The following KHDRBS2 variants were observed in gnomAD, a reference collection of about 807,000 sequenced individuals.
KHDRBS2 encodes the protein KH domain-containing, RNA-binding, signal transduction-associated protein 2.
KHDRBS2 carries 26 observed loss-of-function variants against 44.3 expected under a neutral mutation model. That is an observed-to-expected ratio of 0.59 (90% CI 0.43 to 0.81). The LOEUF is 0.81. Among genes scored for constraint, KHDRBS2 ranks in the 40% least tolerant of loss-of-function variants. KHDRBS2 has a pLI of 0.00. For synonymous variants in KHDRBS2, 194 were observed against 151.1 expected, an observed-to-expected ratio of 1.28 and a Z score of -2.08; for missense variants, 476 against 433.1, an observed-to-expected ratio of 1.10 and a Z score of -0.88.
At chr6:62,203,848 T>A (rs1314123503) in intron 1 of KHDRBS2, among the ~76,000 whole-genome samples, 1 of 152,136 alleles carries the variant, frequency 6.6e-6, no homozygotes, top group East Asian at 1.9e-4. Context: ...TGAAATTCAG[T>A]GCCAAATTCT....
intron 8 of KHDRBS2, among the ~76,000 whole-genome samples, chr6:61,690,152 GA>G (rs1767234459): frequency 6.6e-6 from 1 of 151,540 alleles, no homozygotes; most frequent in Non-Finnish European, 1.5e-5. Context: ...CCAAATTCTG[GA>G]AATTCTGTAA....
chr6:61,721,112 G>A (rs1272462593), intron 7 of KHDRBS2, among the ~76,000 whole-genome samples: 1 of 151,746 alleles, frequency 6.6e-6, no homozygotes, highest in Non-Finnish European at 1.5e-5. Flanking sequence ...TATTTCTGAG[G>A]GCTCTGTTCT....
At chr6:61,848,690 A>G (rs1271920977) in intron 6 of KHDRBS2, among the ~76,000 whole-genome samples, 2 of 146,030 alleles carry the variant, frequency 1.4e-5, no homozygotes, top group African/African-American at 2.5e-5. Flanking sequence ...TTTCCTGGTC[A>G]CTGAAACCTT....
intron 2 of KHDRBS2, among the ~76,000 whole-genome samples, chr6:62,129,923 A>T (rs2150089045): frequency 6.6e-6 from 1 of 152,310 alleles, no homozygotes; most frequent in Non-Finnish European, 1.5e-5. Context: ...TATGATATTT[A>T]AAAACTGAGG....
chr6:61,888,561 C>CT (rs139822708), intron 6 of KHDRBS2, among the ~76,000 whole-genome samples: 137 of 110,940 alleles, frequency 1.2e-3, no homozygotes, highest in South Asian at 2.1e-3. Flanking sequence ...TTTCTAATTC[C>CT]TTTTTTTTTT....
intron 6 of KHDRBS2, chr6:61,816,597 T>C (rs1788987198): frequency 2.2e-6 from 1 of 449,244 alleles, no homozygotes; most frequent in East Asian, 7.0e-5. Context: ...TAAATGTCTT[T>C]TGTTTTAACT....
intron 6 of KHDRBS2, among the ~76,000 whole-genome samples, chr6:61,745,381 C>T (rs747132084): frequency 2.0e-5 from 3 of 152,076 alleles, no homozygotes; most frequent in Non-Finnish European, 4.4e-5. Flanking sequence ...CTGTTCAACC[C>T]AGTTAATGAA....
chr6:62,105,609 G>C (rs2127377862), intron 2 of KHDRBS2, among the ~76,000 whole-genome samples: 1 of 152,164 alleles, frequency 6.6e-6, no homozygotes, highest in South Asian at 2.1e-4. Context: ...TATTTCTGTG[G>C]GATTGGTGGT....
intron 3 of KHDRBS2, among the ~76,000 whole-genome samples, chr6:61,982,624 T>G (rs1774083340): frequency 1.4e-5 from 2 of 147,886 alleles, no homozygotes; most frequent in Middle Eastern, 7.1e-3. Context: ...TGAGCCGAGA[T>G]GGTGCCACTG....
intron 6 of KHDRBS2, among the ~76,000 whole-genome samples, chr6:61,810,698 T>G (rs1469175672): frequency 1.3e-5 from 2 of 152,052 alleles, no homozygotes; most frequent in Non-Finnish European, 2.9e-5. Flanking sequence ...AAATACTGAC[T>G]TCAGGTACAA....
intron 2 of KHDRBS2, among the ~76,000 whole-genome samples, chr6:62,157,335 A>G (rs958233570): frequency 1.3e-5 from 2 of 151,788 alleles, no homozygotes; most frequent in East Asian, 2.0e-4. Flanking sequence ...AAAAAAAAAG[A>G]GGTAAGTTAA....
chr6:62,037,090 T>C (rs1356665252), intron 3 of KHDRBS2, among the ~76,000 whole-genome samples: 1 of 151,938 alleles, frequency 6.6e-6, no homozygotes, highest in Non-Finnish European at 1.5e-5. Context: ...ATAAAATCTT[T>C]CTTAAATGAT....
chr6:61,617,624 C>CT, the KHDRBS2 span, among the ~76,000 whole-genome samples: 1 of 143,532 alleles, frequency 7.0e-6, no homozygotes, highest in African/African-American at 2.8e-5. Context: ...AGCTTATTAA[C>CT]TGAAAAAGAC....
intron 2 of KHDRBS2, among the ~76,000 whole-genome samples, chr6:62,146,923 A>G (rs757598247): frequency 3.9e-5 from 6 of 151,948 alleles, no homozygotes; most frequent in Non-Finnish European, 5.9e-5. Flanking sequence ...TCTGTGATCC[A>G]GTGAATGTGG....
intron 3 of KHDRBS2, among the ~76,000 whole-genome samples, chr6:62,024,000 A>T (rs1782823474): frequency 6.6e-6 from 1 of 151,292 alleles, no homozygotes; most frequent in Non-Finnish European, 1.5e-5. Flanking sequence ...TTTTTGACCA[A>T]GAGTCTCTAC....
intron 2 of KHDRBS2, among the ~76,000 whole-genome samples, chr6:62,148,066 A>T (rs1402597173): frequency 1.3e-5 from 2 of 152,060 alleles, no homozygotes; most frequent in Non-Finnish European, 2.9e-5. Context: ...TTACGTTAAC[A>T]TTTACAGAGC....
At chr6:61,673,071 C>A in the KHDRBS2 span, among the ~76,000 whole-genome samples, 29 of 151,734 alleles carry the variant, frequency 1.9e-4, no homozygotes, top group African/African-American at 6.5e-4. Flanking sequence ...ATATGGCTAG[C>A]CAGTTTTCCC....
chr6:62,109,003 C>T (rs144237201), intron 2 of KHDRBS2, among the ~76,000 whole-genome samples: 5,645 of 151,350 alleles, frequency 0.037, 173 homozygotes, highest in South Asian at 0.16. Flanking sequence ...TGCTAAATGA[C>T]GAGTTAATGG....
At chr6:61,950,944 TATCTC>T (rs1311003541) in intron 4 of KHDRBS2, among the ~76,000 whole-genome samples, 1 of 152,090 alleles carries the variant, frequency 6.6e-6, no homozygotes, top group African/African-American at 2.4e-5. Context: ...AAGTAACAAA[TATCTC>T]AGGCATACAT....
Sources: allele counts gnomAD v4.1 joint callset (sites outside exome capture counted in the v4.1 genomes callset), GRCh38; gene constraint gnomAD v4.1.1; transcripts MANE v1.5; gene names NCBI Gene and HGNC (gene_info 2026-07-23, HGNC 2026-07-21).